The following HDAC9 variants were observed in gnomAD, a reference collection of about 807,000 sequenced individuals.
The protein encoded by HDAC9 is histone deacetylase 9, also known as MEF-2 interacting transcription repressor (MITR) protein.
In HDAC9, 41 loss-of-function variants were observed where a neutral mutation model predicts 139.4. That is an observed-to-expected ratio of 0.29 (90% CI 0.23 to 0.38). HDAC9 has a LOEUF of 0.38. HDAC9 is among the 10% of genes least tolerant of loss of function. The probability of loss-of-function intolerance (pLI) is 1.00; values close to 1 mark genes in which losing one functional copy is unlikely to be tolerated. For missense variants in HDAC9, 1,147 were observed against 1,297.0 expected (o/e 0.88, Z 1.78); for synonymous variants, 517 against 476.2 (o/e 1.09, Z -1.12).
At chr7:18,789,309 C>CAG (rs1792106540) in intron 16 of HDAC9, among the ~76,000 whole-genome samples, 1 of 149,266 alleles carries the variant, frequency 6.7e-6, no homozygotes, top group Non-Finnish European at 1.5e-5. Flanking sequence ...CACACACACA[C>CAG]AGTCTCTCTC....
At chr7:18,506,560 A>G (rs147437717) in intron 2 of HDAC9, among the ~76,000 whole-genome samples, 2,007 of 151,374 alleles carry the variant, frequency 0.013, 44 homozygotes, top group African/African-American at 0.046. Context: ...ATTCTATTCA[A>G]TTTCTCAATT....
At position 18,419,786 on chromosome 7, in the gene HDAC9, A is replaced by G. The variant is rs527472606; in HGVS notation, c.-41-76476A>G. ...GATCTCCTAAAATATTTCCATTTTTATAAAAGCCTTCTGGTTTCTTTGTGA... is the reference window on the plus strand; with the variant it reads ...GATCTCCTAAAATATTTCCATTTTTGTAAAAGCCTTCTGGTTTCTTTGTGA... On this transcript the variant is annotated intron_variant, in intron 1 of 3. Transcript: ENST00000413509. 2.3e-4 allele frequency among the ~76,000 whole-genome samples: 35 copies of G among 152,246 alleles called. No homozygotes were observed. In the South Asian group the frequency reaches 2.7e-3, roughly 12 times the overall value.
rs371486779 is a variant in HDAC9, at chr7:18,110,569, T to G, written c.-97+23356T>G. Among the ~76,000 whole-genome samples, 9 of 152,298 alleles carry G rather than the reference T, an allele frequency of 5.9e-5. No individual in the cohort carries two copies. In the East Asian group the frequency reaches 1.7e-3, roughly 29 times the overall value. ...TGGGAATATGGATGGTGAGTGAGGC[T>G]GGGAAGCCAGATGGAGTCCTGACTA... On this transcript the variant is annotated intron_variant, in intron 1 of 12. Transcript: ENST00000417496.
At chr7:18,567,407 T>TA (rs1822729643) in intron 2 of HDAC9, among the ~76,000 whole-genome samples, 1 of 152,236 alleles carries the variant, frequency 6.6e-6, no homozygotes, top group African/African-American at 2.4e-5. Context: ...TGATAATACT[T>TA]ACCTTTTTAG....
intron 2 of HDAC9, among the ~76,000 whole-genome samples, chr7:18,195,875 C>G (rs1184940441): frequency 1.3e-5 from 2 of 152,146 alleles, no homozygotes; most frequent in Admixed American, 1.3e-4. Flanking sequence ...ATCCCTATTC[C>G]TTTGTATTGG....
At chr7:18,929,128 A>G (rs1232441908) in intron 22 of HDAC9, among the ~76,000 whole-genome samples, 1 of 152,056 alleles carries the variant, frequency 6.6e-6, no homozygotes, top group Non-Finnish European at 1.5e-5. Context: ...TTGGTTATTA[A>G]ATACGTATAT....
At chr7:18,681,063 A>G (rs992138815) in intron 12 of HDAC9, among the ~76,000 whole-genome samples, 1 of 151,986 alleles carries the variant, frequency 6.6e-6, no homozygotes, top group Non-Finnish European at 1.5e-5. Flanking sequence ...GTTTTCTACT[A>G]TTTTGTTGGT....
intron 1 of HDAC9, among the ~76,000 whole-genome samples, chr7:18,451,372 T>C (rs1263677783): frequency 3.4e-5 from 4 of 117,036 alleles, no homozygotes; most frequent in South Asian, 3.2e-4. Context: ...TATGTGCGTG[T>C]GTGTGTGTGT....
At chr7:18,565,178 T>A (rs1821896140) in intron 2 of HDAC9, among the ~76,000 whole-genome samples, 2 of 152,028 alleles carry the variant, frequency 1.3e-5, no homozygotes. Context: ...GTATTTTTAG[T>A]ACAGACGGGG....
At chr7:18,452,116 TTGAG>T (rs1211112682) in intron 1 of HDAC9, among the ~76,000 whole-genome samples, 1 of 152,228 alleles carries the variant, frequency 6.6e-6, no homozygotes, top group Non-Finnish European at 1.5e-5. Flanking sequence ...CCAGGGCAGT[TTGAG>T]TGGCCATTGG....
intron 1 of HDAC9, among the ~76,000 whole-genome samples, chr7:18,319,582 T>C (rs1477866716): frequency 1.3e-5 from 2 of 152,254 alleles, no homozygotes; most frequent in Non-Finnish European, 2.9e-5. Flanking sequence ...CATTGTAAAC[T>C]CTGTGCTAAA....
At chr7:18,408,324 AGAAT>A (rs1255437692) in intron 1 of HDAC9, among the ~76,000 whole-genome samples, 3 of 152,182 alleles carry the variant, frequency 2.0e-5, no homozygotes, top group Non-Finnish European at 4.4e-5. Flanking sequence ...ATGAAGGAAG[AGAAT>A]GAATGAATGA....
intron 2 of HDAC9, among the ~76,000 whole-genome samples, chr7:18,520,291 T>C (rs1307599307): frequency 6.6e-6 from 1 of 152,178 alleles, no homozygotes; most frequent in African/African-American, 2.4e-5. Flanking sequence ...AGGTAACTTT[T>C]TCTATTTTAT....
intron 22 of HDAC9, among the ~76,000 whole-genome samples, chr7:18,878,768 T>C (rs1563015442): frequency 6.6e-6 from 1 of 151,548 alleles, no homozygotes; most frequent in Non-Finnish European, 1.5e-5. Context: ...AGATGCCTTC[T>C]CTCTACCACT....
At chr7:18,556,341 A>G (rs1235885054) in intron 2 of HDAC9, among the ~76,000 whole-genome samples, 9 of 152,098 alleles carry the variant, frequency 5.9e-5, no homozygotes, top group Admixed American at 5.9e-4. Context: ...TAAATCATTT[A>G]TTCATTCCTT....
intron 1 of HDAC9, among the ~76,000 whole-genome samples, chr7:18,309,053 A>G (rs957791037): frequency 3.3e-5 from 5 of 151,278 alleles, no homozygotes; most frequent in Middle Eastern, 6.8e-3. Context: ...GGAGATCTCT[A>G]AGTCAATCCA....
At chr7:18,138,527 G>GGTGT (rs71014309) in intron 1 of HDAC9, among the ~76,000 whole-genome samples, 39,824 of 142,402 alleles carry the variant, frequency 0.28, 6,185 homozygotes, top group Middle Eastern at 0.38. Context: ...GAGAGAGAGA[G>GGTGT]GTGTGTGTGT....
At chr7:18,324,856 G>A (rs1236904668) in intron 1 of HDAC9, among the ~76,000 whole-genome samples, 2 of 152,122 alleles carry the variant, frequency 1.3e-5, no homozygotes, top group Non-Finnish European at 2.9e-5. Context: ...TAAATGACAT[G>A]AGACGTCCTC....
intron 12 of HDAC9, among the ~76,000 whole-genome samples, chr7:18,716,620 T>C: frequency 6.7e-6 from 1 of 149,662 alleles, no homozygotes; most frequent in Admixed American, 6.6e-5. Context: ...TGTCTGAGGA[T>C]ACCAGAAGCA....
Sources: gnomAD v4.1 joint callset for allele counts (sites outside exome capture counted in the v4.1 genomes callset) on GRCh38, gnomAD v4.1.1 for gene constraint, MANE v1.5 for transcripts, NCBI Gene and HGNC (gene_info 2026-07-23, HGNC 2026-07-21) for gene names.